FAM163A: variants seen among roughly 807,000 people sequenced by gnomAD.
The protein encoded by FAM163A is family with sequence similarity 163 member A.
A neutral mutation model predicts 12.0 loss-of-function variants in FAM163A; 7 were observed. The ratio of observed to expected loss-of-function variants is 0.58; its 90% CI spans 0.33 to 1.10. The LOEUF (loss-of-function observed/expected upper bound fraction) is 1.10. Among genes scored for constraint, FAM163A ranks in the 50% least tolerant of loss-of-function variants. The pLI is 0.03. For missense variants in FAM163A, 202 were observed against 218.6 expected, an observed-to-expected ratio of 0.92 and a Z score of 0.48; for synonymous variants, 101 against 91.0, an observed-to-expected ratio of 1.11 and a Z score of -0.62.
intron 1 of FAM163A, among the ~76,000 whole-genome samples, chr1:179,786,509 T>C (rs1690657075): frequency 6.6e-6 from 1 of 152,236 alleles, no homozygotes; most frequent in South Asian, 2.1e-4. Context: ...CCAAAGCCTC[T>C]GCCCAGCAGC....
At chr1:179,784,059 A>C (rs1414875165) in intron 1 of FAM163A, among the ~76,000 whole-genome samples, 1 of 152,098 alleles carries the variant, frequency 6.6e-6, no homozygotes, top group Admixed American at 6.6e-5. Flanking sequence ...GAGGCCATCA[A>C]GAGTCTGATC....
intron 1 of FAM163A, among the ~76,000 whole-genome samples, chr1:179,759,081 A>G (rs1327707396): frequency 6.6e-6 from 1 of 152,234 alleles, no homozygotes; most frequent in African/African-American, 2.4e-5. Context: ...TGCAGAATGT[A>G]TAGTGTAGAG....
upstream of FAM163A, among the ~76,000 whole-genome samples, chr1:179,739,292 T>C (rs1177815808): frequency 6.6e-6 from 1 of 152,056 alleles, no homozygotes; most frequent in Non-Finnish European, 1.5e-5. Flanking sequence ...ACATGCTCCA[T>C]AATAGAAAAA....
rs139125376 is a variant in FAM163A at position 179,809,918 on chromosome 1, C to T, written c.-45+2030C>T. ...CCCAAGAAACCCCTGAAGCATGGCCCGCCATGCACCTGGGCAAAATCAAAG... is the reference window on the plus strand; with the variant it reads ...CCCAAGAAACCCCTGAAGCATGGCCTGCCATGCACCTGGGCAAAATCAAAG... On this transcript the variant is annotated intron_variant, in intron 2 of 4. Transcript: ENST00000341785. 7.3e-3 allele frequency among the ~76,000 whole-genome samples: 1,105 copies of T among 152,250 alleles called. 9 individuals carry two copies. Among genetic ancestry groups the T allele is most frequent in the African/African-American group, 0.024 (991 of 41,538 alleles).
intron 1 of FAM163A, among the ~76,000 whole-genome samples, chr1:179,804,926 A>C (rs1413461009): frequency 6.6e-6 from 1 of 152,246 alleles, no homozygotes; most frequent in Admixed American, 6.5e-5. Context: ...CCTGTGTGAC[A>C]AACCTGCACT....
chr1:179,796,663 C>T (rs1692366087), intron 1 of FAM163A, among the ~76,000 whole-genome samples: 1 of 152,098 alleles, frequency 6.6e-6, no homozygotes, highest in African/African-American at 2.4e-5. Flanking sequence ...GCTACTCTGA[C>T]CTTTCTAACA....
rs531999317 is a variant in FAM163A, at chr1:179,761,842, A to C, written c.-136+18419A>C. Among the ~76,000 whole-genome samples, 10 of 151,362 alleles carry C rather than the reference A, an allele frequency of 6.6e-5. No individual in the cohort carries two copies. In the South Asian group the frequency reaches 8.3e-4, roughly 13 times the overall value. ...ATTGAATGCCTTTTTTTTTTGCATC[A>C]GCTATTGAGTATAGCTCTAAACACA... On this transcript the variant is annotated intron_variant, in intron 1 of 4. Transcript: ENST00000341785.
chr1:179,757,285 G>A (rs987516731), intron 1 of FAM163A, among the ~76,000 whole-genome samples: 1 of 152,204 alleles, frequency 6.6e-6, no homozygotes, highest in Non-Finnish European at 1.5e-5. Context: ...GGCAGAGGGA[G>A]TACTAAGTGG....
At chr1:179,801,435 G>A (rs1291271510) in intron 1 of FAM163A, among the ~76,000 whole-genome samples, 1 of 152,138 alleles carries the variant, frequency 6.6e-6, no homozygotes, top group African/African-American at 2.4e-5. Context: ...TGAGCATGGA[G>A]ACGTCTCTCC....
intron 1 of FAM163A, among the ~76,000 whole-genome samples, chr1:179,797,108 C>A (rs1022479444): frequency 3.3e-5 from 5 of 152,174 alleles, no homozygotes; most frequent in African/African-American, 1.2e-4. Flanking sequence ...TCAGAGCCGT[C>A]GCAGGACTGC....
At chr1:179,751,320 C>G (rs1214004179) in intron 1 of FAM163A, among the ~76,000 whole-genome samples, 1 of 151,754 alleles carries the variant, frequency 6.6e-6, no homozygotes, top group African/African-American at 2.4e-5. Context: ...GAAGGATGAA[C>G]CAGAGAGATC....
chr1:179,806,707 G>A (rs548777928), intron 1 of FAM163A, among the ~76,000 whole-genome samples: 1 of 152,340 alleles, frequency 6.6e-6, no homozygotes, highest in Admixed American at 6.5e-5. Context: ...TTTCCTCTGA[G>A]CCAGGGCTGA....
At chr1:179,775,071 A>C (rs181662945) in intron 1 of FAM163A, among the ~76,000 whole-genome samples, 1 of 152,334 alleles carries the variant, frequency 6.6e-6, no homozygotes, top group Admixed American at 6.5e-5. Context: ...AGTTGGCCCA[A>C]GCAGCCAGCA....
At chr1:179,786,391 T>A (rs544319417) in intron 1 of FAM163A, among the ~76,000 whole-genome samples, 1 of 151,794 alleles carries the variant, frequency 6.6e-6, no homozygotes, top group Non-Finnish European at 1.5e-5. Context: ...AGAGAAAGAG[T>A]CTTAGGGCCA....
chr1:179,772,225 T>G (rs999984091), intron 1 of FAM163A, among the ~76,000 whole-genome samples: 1 of 152,150 alleles, frequency 6.6e-6, no homozygotes, highest in African/African-American at 2.4e-5. Context: ...CACCTTCCTT[T>G]CCTCTGCTCA....
chr1:179,812,454 T>G (rs901117437), intron 3 of FAM163A, among the ~76,000 whole-genome samples: 1 of 152,096 alleles, frequency 6.6e-6, no homozygotes, highest in Admixed American at 6.5e-5. Flanking sequence ...CCAAAAGAAG[T>G]GCTGGTTTGA....
intron 1 of FAM163A, among the ~76,000 whole-genome samples, chr1:179,787,354 G>T (rs752301735): frequency 6.6e-6 from 1 of 152,178 alleles, no homozygotes; most frequent in Non-Finnish European, 1.5e-5. Flanking sequence ...CATGCAATGT[G>T]TTCATTCAGC....
chr1:179,800,644 G>A (rs180732810), intron 1 of FAM163A, among the ~76,000 whole-genome samples: 38 of 152,328 alleles, frequency 2.5e-4, no homozygotes, highest in African/African-American at 8.9e-4. Flanking sequence ...AGCTCCTTGA[G>A]GGGACTCTGC....
chr1:179,781,409 A>G lies in FAM163A; in HGVS notation c.-135-26389A>G, dbSNP rs150527109. On this transcript the variant is annotated intron_variant, in intron 1 of 4. Transcript: ENST00000341785. ...CTTCTCCCACATCTAGCTGCAGTAT[A>G]GCATGGGGCACGTATTAGATCCTCA... 5.3e-5 allele frequency among the ~76,000 whole-genome samples: 8 copies of G among 152,068 alleles called. No individual in the cohort carries two copies. In the East Asian group the frequency reaches 1.5e-3, roughly 29 times the overall value.
Sources: gnomAD v4.1 joint callset for allele counts (sites outside exome capture counted in the v4.1 genomes callset) on GRCh38, gnomAD v4.1.1 for gene constraint, MANE v1.5 for transcripts, NCBI Gene and HGNC (gene_info 2026-07-23, HGNC 2026-07-21) for gene names.